The following PLCD1 variants were observed in gnomAD, a reference collection of about 807,000 sequenced individuals.
The protein encoded by PLCD1 is 1-phosphatidylinositol 4,5-bisphosphate phosphodiesterase delta-1.
A neutral mutation model predicts 87.4 loss-of-function variants in PLCD1; 71 were observed. That is an observed-to-expected ratio of 0.81 (90% confidence interval 0.67 to 0.99). The LOEUF (loss-of-function observed/expected upper bound fraction) is 0.99, where lower values mean the gene tolerates loss of function less well. PLCD1 is among the 50% of genes least tolerant of loss of function. PLCD1 has a pLI of 0.00. For missense variants in PLCD1, 867 were observed against 1,001.5 expected (o/e 0.87, Z 1.81); for synonymous variants, 348 against 399.2 (o/e 0.87, Z 1.53).
chr3:38,009,177 C>A lies in PLCD1; in HGVS notation c.1607-19G>T. 6.2e-7 allele frequency: 1 copy of A among 1,613,208 alleles called. No homozygotes were observed. On this transcript the variant is annotated intron_variant, in intron 10 of 14. Coordinates refer to ENST00000334661, the MANE Select transcript of PLCD1 (RefSeq NM_006225.4). ...CCGTTTCCTGAGGGGAGGTGTGGTT[C>A]GGTCAGCAGTGGAGGCCTCCTGGTG...
At chr3:38,011,113 T>C in intron 5 of PLCD1, 101 bp downstream of exon 5, 1 of 896,300 alleles carries the variant, frequency 1.1e-6, no homozygotes, top group East Asian at 2.9e-5. Flanking sequence ...AGGCAGCCCC[T>C]TCCCTCCGGT....
chr3:38,009,514 G>A, intron 9 of PLCD1, 83 bp from the exon 10 acceptor site: 1 of 1,554,162 alleles, frequency 6.4e-7, no homozygotes, highest in Non-Finnish European at 8.9e-7. Context: ...CAGGCGCAGA[G>A]AGACAGAGGG....
Position 38,009,829 on chromosome 3 carries a change from A to C in PLCD1, c.1288-18T>G. The C allele has an allele frequency of 6.2e-7, 1 of 1,613,610 alleles. No homozygotes were observed. Among genetic ancestry groups the C allele is most frequent in the Non-Finnish European group, 8.5e-7 (1 of 1,179,958 alleles). ...TTCAGTTGCTAGGTGGGGAGGGGCA[A>C]CTGGTCAAGACACACCTAGCGCCCC... On this transcript the variant is annotated intron_variant, in intron 8 of 14. Transcript: ENST00000334661.
At chr3:38,015,699 G>C (rs1019599357) in intron 3 of PLCD1, among the ~76,000 whole-genome samples, 4 of 152,236 alleles carry the variant, frequency 2.6e-5, no homozygotes. Flanking sequence ...GTGTGTCATT[G>C]TGTAACTAAA....
At chr3:38,020,435 G>C in intron 1 of PLCD1, 83 bp from the exon 2 acceptor site, 1 of 1,317,312 alleles carries the variant, frequency 7.6e-7, no homozygotes, top group South Asian at 1.2e-5. Flanking sequence ...TGCCCACCTC[G>C]ACCCTCTCAG....
intron 1 of PLCD1, chr3:38,024,657 G>A (rs113037886): frequency 3.0e-5 from 46 of 1,516,862 alleles, no homozygotes; most frequent in Admixed American, 2.2e-4. Flanking sequence ...TGAGGGGGTA[G>A]TCAGACGCTA....
In PLCD1 at chr3:38,007,819, T is replaced by C. The variant is rs140941118; in HGVS notation, c.2225A>G (p.Gln742Arg). 325 of 1,614,228 alleles carry C rather than the reference T, an allele frequency of 2.0e-4. No homozygotes were observed. The African/African-American group carries it at 3.9e-3, about 19-fold the overall frequency. Residue 742 changes from glutamine to arginine, a missense_variant, in exon 15 of 15, where the codon CAG becomes CGG. By Grantham distance (43) the Gln-to-Arg change is conservative. Coordinates refer to ENST00000334661, the MANE Select transcript of PLCD1 (RefSeq NM_006225.4). Reference protein sequence around the residue: ...HVHLMSKNGDQHPSATLFVKI... With the variant: ...HVHLMSKNGDRHPSATLFVKI... The stretch of plus-strand genomic sequence containing the variant: ...CACAAAGAGGGTGGCTGATGGATGC[T>C]GGTCCCCGTTCTTAGACATGAGGTG...
intron 1 of PLCD1, among the ~76,000 whole-genome samples, chr3:38,021,804 C>A (rs73060868): frequency 0.022 from 3,297 of 152,192 alleles, 64 homozygotes; most frequent in South Asian, 0.072. Flanking sequence ...TGTGGGGAAG[C>A]CCTCATGAAG....
chr3:38,016,305 C>T (rs902240838), intron 3 of PLCD1, among the ~76,000 whole-genome samples, 186 bp downstream of exon 3: 1 of 152,218 alleles, frequency 6.6e-6, no homozygotes, highest in African/African-American at 2.4e-5. Flanking sequence ...ACCATACTGG[C>T]TCCCTGACCT....
chr3:38,011,818 C>T, intron 3 of PLCD1, 145 bp from the exon 4 acceptor site: 1 of 736,232 alleles, frequency 1.4e-6, no homozygotes, highest in East Asian at 2.6e-5. Flanking sequence ...TCAGTGGCCT[C>T]TTCAGAGGAA....
rs780496246 is a variant in PLCD1, at chr3:38,010,035, T to TG, written c.1155dup (p.Ile386HisfsTer44). 195 of 1,614,050 alleles carry TG rather than the reference T, an allele frequency of 1.2e-4. No individual in the cohort carries two copies. The highest frequency in any genetic ancestry group is 1.5e-4 in the Non-Finnish European group (179 of 1,180,006). On this transcript the variant is annotated frameshift_variant, in exon 8 of 15. Transcript: ENST00000334661. LOFTEE classifies it high-confidence loss of function. ...GTGCAGTGGTTCTCCAGGGATAGGA[T>TG]GACAGGGTAGGGGGACGCCTGGAGG...
rs749772943 is a variant in PLCD1, at chr3:38,010,527, G to A, written c.826C>T (p.Leu276Phe). ...AQRQMTKDGF[L>F]MYLLSADGSA... ...CCGTCAGCCGACAGTAAGTACATGA[G>A]GAAGCCGTCCTTGGTCATCTGCCGC... Residue 276 changes from leucine to phenylalanine, a missense_variant, in exon 6 of 15, where the codon CTC becomes TTC. Leu to Phe is a conservative substitution (Grantham distance 22). Coordinates refer to ENST00000334661, the MANE Select transcript of PLCD1 (RefSeq NM_006225.4). The A allele has an allele frequency of 6.2e-7, 1 of 1,614,122 alleles. No homozygotes were observed. The highest frequency in any genetic ancestry group is 2.2e-5 in the East Asian group (1 of 44,866).
chr3:38,028,227 C>T (rs965591011), intron 1 of PLCD1, among the ~76,000 whole-genome samples: 4 of 152,300 alleles, frequency 2.6e-5, no homozygotes, highest in African/African-American at 7.2e-5. Flanking sequence ...GGCAGGCGCA[C>T]GAAAGACACC....
chr3:38,009,720 G>A lies in PLCD1; in HGVS notation c.1379C>T (p.Ser460Leu), dbSNP rs75495843. 0.028 allele frequency: 45,764 copies of A among 1,614,108 alleles called. 739 individuals are homozygous for A. Among genetic ancestry groups the A allele is most frequent in the South Asian group, 0.039 (3,558 of 91,082 alleles). ...GEGGPEATVV[S>L]DEDEAAEMED... ...CATCTCAGCAGCCTCGTCTTCGTCT[G>A]ACACCACAGTGGCCTCAGGGCCACC... is the stretch of plus-strand genomic sequence containing the variant. Residue 460 changes from serine (S) to leucine (L), a missense_variant, in exon 9 of 15, where the codon TCA (serine) becomes TTA (leucine). Ser to Leu is a moderately radical substitution (Grantham distance 145, BLOSUM62 -2). Transcript: ENST00000334661.
Position 38,007,868 on chromosome 3 carries a change from G to A in PLCD1, c.2186-10C>T. On this transcript the variant is annotated splice_polypyrimidine_tract_variant and intron_variant, in intron 14 of 14. Transcript: ENST00000334661. The stretch of plus-strand genomic sequence containing the variant: ...TGGACATGGCGGTATCCTGGTGGGT[G>A]GACAGGCAGGAGGGAACACAGAGAG... The A allele has an allele frequency of 1.2e-6, 2 of 1,612,614 alleles. No individual in the cohort carries two copies. Among genetic ancestry groups the A allele is most frequent in the Non-Finnish European group, 1.7e-6 (2 of 1,178,544 alleles).
At chr3:38,013,850 A>G (rs1460309470) in intron 3 of PLCD1, among the ~76,000 whole-genome samples, 1 of 152,252 alleles carries the variant, frequency 6.6e-6, no homozygotes, top group Non-Finnish European at 1.5e-5. Context: ...AATAACACTT[A>G]AAAGTCTTTC....
chr3:38,011,376 G>A lies in PLCD1; in HGVS notation c.628C>T (p.Gln210Ter), dbSNP rs759911075. Residue 210 changes from glutamine (Q) to a stop codon, truncating the protein, a stop_gained, in exon 5 of 15, where the codon CAG becomes TAG. Transcript: ENST00000334661. LOFTEE classifies it high-confidence loss of function. The part of the protein sequence containing the change: ...EIEAFYKMLT[Q>*]RVEIDRTFAE... ...AAGGTGCGGTCGATCTCCACCCGCT[G>A]GGTCAGCATCTTGTAGAAGGCCTCA... The A allele has an allele frequency of 3.1e-6, 5 of 1,613,478 alleles. No individual in the cohort carries two copies. The highest frequency in any genetic ancestry group is 2.7e-5 in the African/African-American group (2 of 75,050).
chr3:38,027,394 C>G (rs1309536197), intron 1 of PLCD1, among the ~76,000 whole-genome samples: 1 of 152,174 alleles, frequency 6.6e-6, no homozygotes, highest in Non-Finnish European at 1.5e-5. Flanking sequence ...TCGTAGCAAC[C>G]CTATGAGGTA....
chr3:38,023,611 A>C (rs981392626), intron 1 of PLCD1, among the ~76,000 whole-genome samples: 1 of 152,114 alleles, frequency 6.6e-6, no homozygotes, highest in Non-Finnish European at 1.5e-5. Flanking sequence ...AACTTTACGC[A>C]GCCACTGTGA....
Sources: allele counts gnomAD v4.1 joint callset (sites outside exome capture counted in the v4.1 genomes callset), GRCh38; gene constraint gnomAD v4.1.1; transcripts MANE v1.5; gene names NCBI Gene and HGNC (gene_info 2026-07-23, HGNC 2026-07-21).